OSBPL7: variants seen among roughly 807,000 people sequenced by gnomAD.
OSBPL7 encodes the protein oxysterol binding protein like 7, also known as oxysterol-binding protein-related protein 7.
In OSBPL7, 66 loss-of-function variants were observed where a neutral mutation model predicts 115.8. The observed-to-expected ratio is 0.57, with a 90% CI of 0.47 to 0.70. OSBPL7 has a LOEUF of 0.70. Ranked by LOEUF, OSBPL7 falls within the 30% of genes least tolerant of loss-of-function variation. The probability of loss-of-function intolerance (pLI) is 0.00; values close to 1 mark genes in which losing one functional copy is unlikely to be tolerated. For synonymous variants in OSBPL7, 441 were observed against 439.2 expected, an observed-to-expected ratio of 1.00 and a Z score of -0.05; for missense variants, 902 against 1,125.5, an observed-to-expected ratio of 0.80 and a Z score of 2.84.
intron 18 of OSBPL7, among the ~76,000 whole-genome samples, chr17:47,810,008 T>A (rs541283440): frequency 1.3e-5 from 2 of 148,574 alleles, no homozygotes; most frequent in East Asian, 4.0e-4. Flanking sequence ...TACCTCCGCC[T>A]CCCAGGTTGA....
chr17:47,816,087 A>G lies in OSBPL7; in HGVS notation c.1119+20T>C. The G allele has an allele frequency of 6.5e-7, 1 of 1,539,596 alleles. No individual in the cohort carries two copies. The highest frequency in any genetic ancestry group is 8.8e-7 in the Non-Finnish European group (1 of 1,139,768). On this transcript the variant is annotated intron_variant, in intron 12 of 22. Coordinates refer to ENST00000007414, the MANE Select transcript of OSBPL7 (RefSeq NM_145798.3). This position sits in a 1 kb window ranked among gnomAD's most constrained non-coding sequence, Gnocchi z 5.8. ...AAGGCACAGGAGAATCGGCCCCCAC[A>G]GCCCACCCTGGCTCCTCACCTCCTC...
In OSBPL7 at chr17:47,816,742, T is replaced by C. The variant is rs1482714831; in HGVS notation, c.795+38A>G. On this transcript the variant is annotated intron_variant, in intron 9 of 22. Coordinates refer to ENST00000007414, the MANE Select transcript of OSBPL7 (RefSeq NM_145798.3). This position sits in a 1 kb window ranked among gnomAD's most constrained non-coding sequence, Gnocchi z 5.8. ...TGAAGGGGCCGGCCTCCTTAGAGCA[T>C]CCTGCCCCAGCTACGTGAGGTGCAT... The C allele has an allele frequency of 1.2e-6, 2 of 1,614,046 alleles. No individual in the cohort carries two copies. Among genetic ancestry groups the C allele is most frequent in the Non-Finnish European group, 1.7e-6 (2 of 1,179,980 alleles).
At chr17:47,814,960 C>G in intron 13 of OSBPL7, 1 of 567,094 alleles carries the variant, frequency 1.8e-6, no homozygotes, top group East Asian at 2.9e-5. Context: ...AGGAAGATGA[C>G]CGGGGTTGCA....
Position 47,809,398 on chromosome 17 carries a change from T to C in OSBPL7, c.1961A>G (p.Tyr654Cys). The change falls in exon 19 of 23, where the codon TAT becomes TGT. Residue 654 changes from tyrosine (Y) to cysteine (C), a missense_variant. Physicochemically the swap from Tyr to Cys is radical, Grantham distance 194. This residue lies in a region of OSBPL7 where 230 missense variants were observed against 312.7 expected (regional missense o/e 0.74). Transcript: ENST00000007414. ...VLSGQRWIEH[Y>C]GEVLIRNTQD... ...TGTGTTTCGGATGAGCACCTCCCCATAGTGCTCGATCCAGCGCTGACCACT... is the reference window on the plus strand; with the variant it reads ...TGTGTTTCGGATGAGCACCTCCCCACAGTGCTCGATCCAGCGCTGACCACT... The C allele has an allele frequency of 6.2e-7, 1 of 1,614,138 alleles. No homozygotes were observed. Among genetic ancestry groups the C allele is most frequent in the South Asian group, 1.1e-5 (1 of 91,086 alleles).
intron 16 of OSBPL7, among the ~76,000 whole-genome samples, chr17:47,811,545 G>A (rs937621283): frequency 1.2e-4 from 19 of 152,068 alleles, no homozygotes; most frequent in Admixed American, 6.6e-4. Flanking sequence ...ACACAGACAC[G>A]ACCCACACTA....
chr17:47,813,155 C>A lies in OSBPL7; in HGVS notation c.1737+111G>T, dbSNP rs1421094537. On this transcript the variant is annotated intron_variant, in intron 16 of 22. Coordinates refer to ENST00000007414, the MANE Select transcript of OSBPL7 (RefSeq NM_145798.3). The stretch of plus-strand genomic sequence containing the variant: ...GCAGAGCCCGGCACAGAGCCAACTG[C>A]CCACGCTCCTCTCCCAGGCCCTGGT... 7 of 1,437,570 alleles carry A rather than the reference C, an allele frequency of 4.9e-6. No individual in the cohort carries two copies. The Admixed American group carries it at 1.0e-4, about 21-fold the overall frequency. The allele number at this position is 1,437,570 out of a possible 1,614,324, so 89.1% of individuals were successfully genotyped here.
chr17:47,809,908 T>TA, intron 18 of OSBPL7, among the ~76,000 whole-genome samples: 1 of 115,420 alleles, frequency 8.7e-6, no homozygotes, highest in African/African-American at 3.3e-5. Flanking sequence ...TTTCTTTTCT[T>TA]TTCTTTTTTT....
chr17:47,816,156 G>T lies in OSBPL7; in HGVS notation c.1070C>A (p.Thr357Asn), dbSNP rs112263213. Residue 357 changes from threonine (T) to asparagine (N), a missense_variant, in exon 12 of 23, where the codon ACC becomes AAC. Transcript: ENST00000007414. This position sits in a 1 kb window ranked among gnomAD's most constrained non-coding sequence, Gnocchi z 5.8. The stretch of plus-strand genomic sequence containing the variant: ...AGAGTCCGCCGTGGTGTCGGAGGAG[G>T]TGGACAGTGAGTGGAGGCGCCTCTG... ...TGQRRLHSLS[T>N]SSDTTADSFS... 1.3e-6 allele frequency: 2 copies of T among 1,551,054 alleles called. No homozygotes were observed. The highest frequency in any genetic ancestry group is 1.4e-5 in the African/African-American group (1 of 73,032).
rs368706703 is a variant in OSBPL7, at chr17:47,815,318, G to A, written c.1154C>T (p.Thr385Ile). Residue 385 changes from threonine to isoleucine, a missense_variant, in exon 13 of 23, where the codon ACC becomes ATC. Around this residue, in one of 3 missense-constraint regions of OSBPL7, gnomAD observed 667 missense variants for 788.7 expected, o/e 0.85. Transcript: ENST00000007414. ...GATGCTGGTCTGCGATAGCTGGGGG[G>A]TGAGCTCGCGCCCCTTCATGTACAG... is the stretch of plus-strand genomic sequence containing the variant. The part of the protein sequence containing the change: ...EALYMKGREL[T>I]PQLSQTSILS... 1.9e-5 allele frequency: 31 copies of A among 1,613,836 alleles called. 1 individual carries two copies. The South Asian group carries it at 2.9e-4, about 15-fold the overall frequency.
chr17:47,819,482 C>T (rs1187719648), intron 4 of OSBPL7: 1 of 596,452 alleles, frequency 1.7e-6, no homozygotes, highest in East Asian at 2.8e-5. Flanking sequence ...TTATTCTGCC[C>T]TGTCCAGAGA....
At chr17:47,814,479 A>ACCCCCCAACC in intron 14 of OSBPL7, 42 bp downstream of exon 14, 1 of 1,086,690 alleles carries the variant, frequency 9.2e-7, no homozygotes, top group Non-Finnish European at 1.4e-6. Context: ...CTGTTTTTCC[A>ACCCCCCAACC]CCCGCCTCCC....
chr17:47,817,389 A>C (rs1318380915), intron 7 of OSBPL7, 30 bp from the exon 8 acceptor site: 49 of 1,469,164 alleles, frequency 3.3e-5, no homozygotes, highest in African/African-American at 7.2e-5. Context: ...GAACAAGAAC[A>C]CCATTCATTT....
rs780615714 is a variant in OSBPL7 at position 47,807,886 on chromosome 17, C to T, written c.*405G>A. ...TCTCCTTCACTCACTGCAACCTCAC[C>T]GCTGGGGACAGAGGCCTGGGCACAG... On this transcript the variant is annotated 3_prime_UTR_variant, in exon 23 of 23. Transcript: ENST00000007414. The T allele has an allele frequency of 2.9e-5, 6 of 210,420 alleles. No individual in the cohort carries two copies. The East Asian group carries it at 6.8e-4, about 24-fold the overall frequency. 13.0% of individuals were successfully genotyped at this position (210,420 alleles called of 1,614,324 possible).
At position 47,816,077 on chromosome 17, in the gene OSBPL7, C is replaced by T. The variant is rs770101862; in HGVS notation, c.1119+30G>A. The T allele has an allele frequency of 3.5e-5, 54 of 1,522,256 alleles. No homozygotes were observed. The highest frequency in any genetic ancestry group is 1.6e-4 in the South Asian group (13 of 81,602). 94.3% of individuals were successfully genotyped at this position (1,522,256 alleles called of 1,614,324 possible). On this transcript the variant is annotated intron_variant, in intron 12 of 22. Coordinates refer to ENST00000007414, the MANE Select transcript of OSBPL7 (RefSeq NM_145798.3). The surrounding 1 kb of genome is among the most constrained non-coding windows in gnomAD (Gnocchi z 5.8). ...GCTGGGAGAGAAGGCACAGGAGAAT[C>T]GGCCCCCACAGCCCACCCTGGCTCC...
At position 47,813,664 on chromosome 17, in the gene OSBPL7, G is replaced by T; in HGVS notation, c.1522C>A (p.Gln508Lys). ...VQLNEPLNTL[Q>K]RLCEELEYSS... ...TACTCCAGCTCCTCGCAGAGCCGCT[G>T]CAGAGTGTTGAGCGGCTCGTTGAGC... The change falls in exon 15 of 23, where the codon CAG becomes AAG. Residue 508 changes from glutamine (Q) to lysine (K), a missense_variant. This residue lies in a region of OSBPL7 where 667 missense variants were observed against 788.7 expected (regional missense o/e 0.85). Transcript: ENST00000007414. 4 of 1,613,352 alleles carry T rather than the reference G, an allele frequency of 2.5e-6. No individual in the cohort carries two copies. Among genetic ancestry groups the T allele is most frequent in the Non-Finnish European group, 3.4e-6 (4 of 1,180,014 alleles).
At chr17:47,809,911 C>CTT (rs1159738939) in intron 18 of OSBPL7, among the ~76,000 whole-genome samples, 7 of 46,698 alleles carry the variant, frequency 1.5e-4, no homozygotes, top group African/African-American at 3.8e-4. Context: ...CTTTTCTTTT[C>CTT]TTTTTTTTTT....
intron 4 of OSBPL7, chr17:47,819,393 ACCCAGGC>A (rs999389940): frequency 3.6e-6 from 2 of 558,380 alleles, no homozygotes; most frequent in African/African-American, 3.8e-5. Context: ...GATCCTGGGT[ACCCAGGC>A]CTTCAGTTCC....
At chr17:47,817,515 G>A (rs926919054) in intron 7 of OSBPL7, among the ~76,000 whole-genome samples, 156 bp from the exon 8 acceptor site, 5 of 151,956 alleles carry the variant, frequency 3.3e-5, no homozygotes, top group Admixed American at 6.6e-5. Flanking sequence ...TCAGCCTCCC[G>A]AGTAGCTAGG....
intron 18 of OSBPL7, 27 bp downstream of exon 18, chr17:47,810,567 T>C (rs1280080446): frequency 1.9e-6 from 3 of 1,599,844 alleles, no homozygotes; most frequent in East Asian, 2.2e-5. Context: ...TGGCTTGGCC[T>C]GGCTGCTGAG....
Sources: allele counts gnomAD v4.1 joint callset (sites outside exome capture counted in the v4.1 genomes callset), GRCh38; gene constraint gnomAD v4.1.1; regional missense constraint gnomAD v4.1.1; non-coding constraint Gnocchi (gnomAD v3.1); transcripts MANE v1.5; gene names NCBI Gene and HGNC (gene_info 2026-07-23, HGNC 2026-07-21).